The following PCDHGA5 variants were observed in gnomAD, a reference collection of about 807,000 sequenced individuals.
The protein encoded by PCDHGA5 is protocadherin gamma-A5.
A neutral mutation model predicts 56.7 loss-of-function variants in PCDHGA5; 36 were observed. The ratio of observed to expected loss-of-function variants is 0.64; its 90% confidence interval spans 0.49 to 0.84. The LOEUF is 0.84. PCDHGA5 is among the 40% of genes least tolerant of loss of function. The pLI is 0.00. For missense variants in PCDHGA5, 1,305 were observed against 1,201.5 expected (o/e 1.09, Z -1.27); for synonymous variants, 563 against 520.2 (o/e 1.08, Z -1.12).
intron 1 of PCDHGA5, chr5:141,408,105 G>T (rs566753835): frequency 2.6e-5 from 37 of 1,439,788 alleles, no homozygotes; most frequent in Non-Finnish European, 3.2e-5. Flanking sequence ...TCCGAGACCC[G>T]GGACTCCTCC....
At position 141,477,498 on chromosome 5, in the gene PCDHGA5, C is replaced by T. The variant is rs754212608; in HGVS notation, c.2422-17309C>T. ...AACCCTCCACAATCTTCTCAATCTT[C>T]CTACGACGTTTACATTGAAGAAAAC... On this transcript the variant is annotated intron_variant, in intron 1 of 3. Coordinates refer to ENST00000518069, the MANE Select transcript of PCDHGA5 (RefSeq NM_018918.3). The surrounding 1 kb of genome is among the most constrained non-coding windows in gnomAD (Gnocchi z 4.9). 3.7e-6 allele frequency: 6 copies of T among 1,614,038 alleles called. No individual in the cohort carries two copies. The highest frequency in any genetic ancestry group is 5.1e-6 in the Non-Finnish European group (6 of 1,180,038).
chr5:141,385,066 C>T, intron 1 of PCDHGA5: 2 of 1,614,194 alleles, frequency 1.2e-6, no homozygotes, highest in South Asian at 1.1e-5. Context: ...GCACAAGTCA[C>T]GCCTGCTGCA....
At chr5:141,387,316 A>G (rs1239342995) in intron 1 of PCDHGA5, among the ~76,000 whole-genome samples, 3 of 152,214 alleles carry the variant, frequency 2.0e-5, no homozygotes, top group African/African-American at 7.2e-5. Flanking sequence ...TCTAATGAGT[A>G]AGTATGGAAA....
In PCDHGA5 at chr5:141,487,470, G is replaced by C; in HGVS notation, c.2422-7337G>C. ...GACCCTATCAAGTTTGTTGATGTGG[G>C]AGGCCACTCTCATGGCTGTACACCC... On this transcript the variant is annotated intron_variant, in intron 1 of 3. Coordinates refer to ENST00000518069, the MANE Select transcript of PCDHGA5 (RefSeq NM_018918.3). The surrounding 1 kb of genome is among the most constrained non-coding windows in gnomAD (Gnocchi z 5.0). The C allele has an allele frequency of 1.9e-6, 3 of 1,614,162 alleles. No individual in the cohort carries two copies. Among genetic ancestry groups the C allele is most frequent in the South Asian group, 1.1e-5 (1 of 91,084 alleles).
intron 1 of PCDHGA5, chr5:141,399,518 G>C (rs2093824828): frequency 6.2e-7 from 1 of 1,613,994 alleles, no homozygotes. Flanking sequence ...AACCCTCCTG[G>C]GGCCTCCATC....
chr5:141,457,949 C>G (rs2098933653), intron 1 of PCDHGA5, among the ~76,000 whole-genome samples: 1 of 152,192 alleles, frequency 6.6e-6, no homozygotes. Flanking sequence ...CTCTGCATGT[C>G]AAGCTTGATT....
chr5:141,403,749 C>T (rs759577178), intron 1 of PCDHGA5: 2 of 1,613,652 alleles, frequency 1.2e-6, no homozygotes, highest in Non-Finnish European at 1.7e-6. Context: ...ACTGCAACAG[C>T]CAGCGACCTG....
At chr5:141,418,946 G>A in intron 1 of PCDHGA5, 3 of 1,614,018 alleles carry the variant, frequency 1.9e-6, no homozygotes, top group South Asian at 1.1e-5. Flanking sequence ...TTCCCCTCCA[G>A]GAGTGGTTGT....
chr5:141,413,699 A>T (rs2095668539), intron 1 of PCDHGA5: 2 of 1,613,762 alleles, frequency 1.2e-6, no homozygotes, highest in East Asian at 4.5e-5. Context: ...CAGAGCTATC[A>T]GCTCAGCCCC....
chr5:141,505,434 A>C lies in PCDHGA5; in HGVS notation c.2522A>C (p.Gln841Pro), dbSNP rs1417754900. 1 of 1,614,198 alleles carries C rather than the reference A, an allele frequency of 6.2e-7. No homozygotes were observed. The highest frequency in any genetic ancestry group is 1.7e-5 in the Admixed American group (1 of 60,032). The change falls in exon 3 of 4, where the codon CAG (glutamine) becomes CCG (proline). Residue 841 changes from glutamine (Q) to proline (P), a missense_variant. Gln to Pro is a moderately conservative substitution (Grantham distance 76). Coordinates refer to ENST00000518069, the MANE Select transcript of PCDHGA5 (RefSeq NM_018918.3). ...GACACCGGCACCTGGCCCAACAACCAGTTTGACACAGAGATGCTGCAAGCC... is the reference window on the plus strand; with the variant it reads ...GACACCGGCACCTGGCCCAACAACCCGTTTGACACAGAGATGCTGCAAGCC... ...GDDTGTWPNN[Q>P]FDTEMLQAMI...
At chr5:141,374,310 C>G (rs770058469) in intron 1 of PCDHGA5, 4 of 1,614,006 alleles carry the variant, frequency 2.5e-6, no homozygotes, top group South Asian at 1.1e-5. Flanking sequence ...CAGCTTTTCT[C>G]TCTGAATCCG....
At chr5:141,379,918 T>C (rs1175326393) in intron 1 of PCDHGA5, among the ~76,000 whole-genome samples, 1 of 119,530 alleles carries the variant, frequency 8.4e-6, no homozygotes, top group Non-Finnish European at 1.7e-5. Context: ...TTTTTTTTTT[T>C]TGTCAGAGTC....
In PCDHGA5 at chr5:141,410,323, G is replaced by T. The variant is rs1415994094; in HGVS notation, c.2421+43572G>T. 3.7e-6 allele frequency: 6 copies of T among 1,613,884 alleles called. No homozygotes were observed. The South Asian group carries it at 5.5e-5, about 15-fold the overall frequency. ...TCTCAGTGCTCTTCCTCCTCGCCGT[G>T]ATTCTGGCCATTGCCTTGCGCCTGC... is the stretch of plus-strand genomic sequence containing the variant. On this transcript the variant is annotated intron_variant, in intron 1 of 3. Transcript: ENST00000518069.
rs201160783 is a variant in PCDHGA5, at chr5:141,418,846, A to G, written c.2421+52095A>G. The G allele has an allele frequency of 7.4e-5, 120 of 1,613,976 alleles. No homozygotes were observed. In the East Asian group the frequency reaches 2.6e-3, roughly 34 times the overall value. On this transcript the variant is annotated intron_variant, in intron 1 of 3. Transcript: ENST00000518069. Reference sequence around the variant, plus strand: ...CAAAAGACCGAGGATCTCTCTCAACACGGTGTAAAGTAATTGTAGAAGTTG... The same window carrying G: ...CAAAAGACCGAGGATCTCTCTCAACGCGGTGTAAAGTAATTGTAGAAGTTG...
intron 1 of PCDHGA5, chr5:141,375,945 T>C (rs770100512): frequency 1.2e-6 from 2 of 1,613,448 alleles, no homozygotes; most frequent in Non-Finnish European, 8.5e-7. Context: ...TCAGTGGGCC[T>C]GCACACGGGC....
chr5:141,432,227 T>C lies in PCDHGA5; in HGVS notation c.2422-62580T>C, dbSNP rs1046414550. On this transcript the variant is annotated intron_variant, in intron 1 of 3. Coordinates refer to ENST00000518069, the MANE Select transcript of PCDHGA5 (RefSeq NM_018918.3). This position sits in a 1 kb window ranked among gnomAD's most constrained non-coding sequence, Gnocchi z 6.0. ...TGAAGAGAACGCCCAGATCACTTATTCCCTGGCTGAGAACACCATCCAAGG... is the reference window on the plus strand; with the variant it reads ...TGAAGAGAACGCCCAGATCACTTATCCCCTGGCTGAGAACACCATCCAAGG... 1.4e-5 allele frequency: 22 copies of C among 1,614,080 alleles called. No individual in the cohort carries two copies. The highest frequency in any genetic ancestry group is 1.8e-5 in the Non-Finnish European group (21 of 1,180,042).
chr5:141,491,006 T>C lies in PCDHGA5; in HGVS notation c.2422-3801T>C. The C allele has an allele frequency of 6.2e-7, 1 of 1,614,062 alleles. No homozygotes were observed. Among genetic ancestry groups the C allele is most frequent in the Non-Finnish European group, 8.5e-7 (1 of 1,180,028 alleles). ...CGCTCTGCTCCTCCTGGCTCCTTGG[T>C]CACCAAGGTGACAGCCGTGGATGCT... On this transcript the variant is annotated intron_variant, in intron 1 of 3. Transcript: ENST00000518069. This position sits in a 1 kb window ranked among gnomAD's most constrained non-coding sequence, Gnocchi z 6.9.
chr5:141,392,826 C>T, intron 1 of PCDHGA5: 1 of 1,601,188 alleles, frequency 6.2e-7, no homozygotes, highest in Non-Finnish European at 8.5e-7. Context: ...GGCCGCTCCA[C>T]AGAGTCGCCC....
intron 1 of PCDHGA5, among the ~76,000 whole-genome samples, chr5:141,425,551 T>C (rs1472337722): frequency 1.3e-5 from 2 of 152,270 alleles, no homozygotes. Context: ...CAGAAACCTC[T>C]TTTATAAGTG....
Sources: allele counts gnomAD v4.1 joint callset (sites outside exome capture counted in the v4.1 genomes callset), GRCh38; gene constraint gnomAD v4.1.1; non-coding constraint Gnocchi (gnomAD v3.1); transcripts MANE v1.5; gene names NCBI Gene and HGNC (gene_info 2026-07-23, HGNC 2026-07-21).